The following ARMCX5 variants were observed in gnomAD, a reference collection of about 807,000 sequenced individuals.
The protein encoded by ARMCX5 is armadillo repeat containing X-linked 5, also known as armadillo repeat-containing X-linked protein 5.
Under a neutral mutation model 7.5 loss-of-function variants are expected in ARMCX5, and 1 was observed. The ratio of observed to expected loss-of-function variants is 0.13; its 90% CI spans 0.05 to 0.63. The LOEUF is 0.63. Among genes scored for constraint, ARMCX5 ranks in the 30% least tolerant of loss-of-function variants. The probability of loss-of-function intolerance (pLI) is 0.86; values close to 1 mark genes in which losing one functional copy is unlikely to be tolerated. For missense variants in ARMCX5, 346 were observed against 402.2 expected, an observed-to-expected ratio of 0.86 and a Z score of 1.19; for synonymous variants, 149 against 145.7, an observed-to-expected ratio of 1.02 and a Z score of -0.16.
chrX:102,600,680 A>G (rs1260020426), intron 1 of ARMCX5: 1 of 111,800 alleles, frequency 8.9e-6, no homozygotes, highest in Non-Finnish European at 1.9e-5. Flanking sequence ...TAACACCACT[A>G]CTACTACCTT....
At position 102,599,542 on chromosome X, in the gene ARMCX5, A is replaced by T. The variant is rs749647876; in HGVS notation, c.-727A>T. 1.8e-5 allele frequency: 2 copies of T among 110,130 alleles called. No individual in the cohort carries two copies. Among genetic ancestry groups the T allele is most frequent in the Admixed American group, 9.8e-5 (1 of 10,231 alleles). The allele number at this position is 110,130 out of a possible 1,213,427, so 9.1% of individuals were successfully genotyped here. On this transcript the variant is annotated 5_prime_UTR_variant, in exon 1 of 4. Coordinates refer to ENST00000473968, the MANE Select transcript of ARMCX5 (RefSeq NM_001168478.2). The stretch of plus-strand genomic sequence containing the variant: ...CCCACTGCCGTTGTGGGTAACGCGG[A>T]CGTGGAAGAACCTCGTCTGCGGAGG...
chrX:102,601,217 C>T lies in ARMCX5; in HGVS notation c.-309+185C>T, dbSNP rs946709951. The T allele has an allele frequency of 8.1e-5, 9 of 111,592 alleles. 1 individual carries two copies. The highest frequency in any genetic ancestry group is 5.7e-4 in the Admixed American group (6 of 10,467). 9.2% of individuals were successfully genotyped at this position (111,592 alleles called of 1,213,427 possible). The stretch of plus-strand genomic sequence containing the variant: ...GCCTTTCCCACTCTCCACTGCTTGT[C>T]CTGCTCTCACGCTTGAACCTAGTCT... On this transcript the variant is annotated intron_variant, in intron 2 of 3. Coordinates refer to ENST00000473968, the MANE Select transcript of ARMCX5 (RefSeq NM_001168478.2).
chrX:102,603,874 C>A lies in ARMCX5; in HGVS notation c.*56C>A. The A allele has an allele frequency of 1.4e-6, 1 of 729,128 alleles. No individual in the cohort carries two copies. Among genetic ancestry groups the A allele is most frequent in the Non-Finnish European group, 2.0e-6 (1 of 497,226 alleles). The allele number at this position is 729,128 out of a possible 1,213,427, so 60.1% of individuals were successfully genotyped here. A position where few individuals can be genotyped will look rare whatever the true frequency, so the allele number is the denominator to read the frequency against. On this transcript the variant is annotated 3_prime_UTR_variant, in exon 4 of 4. Coordinates refer to ENST00000473968, the MANE Select transcript of ARMCX5 (RefSeq NM_001168478.2). The stretch of plus-strand genomic sequence containing the variant: ...AGTTTTTTGGAGTTGCAATATGAAA[C>A]CAATGCATATTGTAATTATAAATTC...
upstream of ARMCX5, chrX:102,599,290 C>A (rs2080997306): frequency 9.0e-6 from 1 of 111,155 alleles, no homozygotes; most frequent in African/African-American, 3.3e-5. Flanking sequence ...GGGGAGCTCC[C>A]GCAAAAGGGG....
In ARMCX5 at chrX:102,602,100, C is replaced by T. The variant is rs371888083; in HGVS notation, c.-42C>T. On this transcript the variant is annotated 5_prime_UTR_variant, in exon 4 of 4. In the 5' UTR this introduces an upstream ATG that the reference lacks. Coordinates refer to ENST00000473968, the MANE Select transcript of ARMCX5 (RefSeq NM_001168478.2). ...GACAAAACTTCAGTCAAGGCTGAGA[C>T]GGGTGGGGGTATATAACTTGTCCTT... The T allele has an allele frequency of 2.7e-6, 3 of 1,094,002 alleles. No individual in the cohort carries two copies. The highest frequency in any genetic ancestry group is 3.0e-5 in the East Asian group (1 of 33,139). The allele number at this position is 1,094,002 out of a possible 1,213,427, so 90.2% of individuals were successfully genotyped here. A position where few individuals can be genotyped will look rare whatever the true frequency, so the allele number is the denominator to read the frequency against.
chrX:102,602,294 G>A lies in ARMCX5; in HGVS notation c.153G>A (p.Gln51=), dbSNP rs1374509967. 3 of 1,211,726 alleles carry A rather than the reference G, an allele frequency of 2.5e-6. No homozygotes were observed. Among genetic ancestry groups the A allele is most frequent in the Non-Finnish European group, 3.4e-6 (3 of 895,484 alleles). ...AACTGAAAACAGAATCAGTGACCCA[G>A]GCCAAAGCTGGTGATGGAGCAATGA... The part of the protein sequence containing the change: ...EAELKTESVT[Q]AKAGDGAMTR... Residue 51 remains glutamine, a synonymous_variant, in exon 4 of 4, where the codon CAG becomes CAA. Transcript: ENST00000473968.
chrX:102,600,671 A>G (rs1321467583), intron 1 of ARMCX5: 1 of 111,711 alleles, frequency 9.0e-6, no homozygotes, highest in Admixed American at 9.5e-5. Flanking sequence ...CGTCCCTACT[A>G]ACACCACTAC....
At position 102,603,098 on chromosome X, in the gene ARMCX5, T is replaced by G; in HGVS notation, c.957T>G (p.Leu319=). ...AGTTTGATAAACTTGTTGCCCTCCT[T>G]AAGTTAACTAAGGATCCTTTCATTC... ...PKEFDKLVAL[L]KLTKDPFIHE... Residue 319 remains leucine (L), a synonymous_variant, in exon 4 of 4, where the codon CTT becomes CTG. Transcript: ENST00000473968. 1 of 1,210,136 alleles carries G rather than the reference T, an allele frequency of 8.3e-7. No homozygotes were observed. The highest frequency in any genetic ancestry group is 1.1e-6 in the Non-Finnish European group (1 of 893,951).
Position 102,603,507 on chromosome X carries a change from T to C in ARMCX5, c.1366T>C (p.Phe456Leu). ...AACCAAGTTTTATGTTTTAAAAGTG[T>C]TTTCGTGTTTGTCTAAAAATCACGC... ...VKTKFYVLKV[F>L]SCLSKNHANT... Residue 456 changes from phenylalanine (F) to leucine (L), a missense_variant, in exon 4 of 4, where the codon TTT (phenylalanine) becomes CTT (leucine). By Grantham distance (22) the Phe-to-Leu change is conservative. Around this residue, in one of 3 missense-constraint regions of ARMCX5, gnomAD observed 139 missense variants for 141.1 expected, o/e 0.99. Transcript: ENST00000473968. The C allele has an allele frequency of 8.3e-7, 1 of 1,210,168 alleles. No homozygotes were observed. The highest frequency in any genetic ancestry group is 1.1e-6 in the Non-Finnish European group (1 of 894,180).
In ARMCX5 at chrX:102,602,099, A is replaced by G; in HGVS notation, c.-43A>G. On this transcript the variant is annotated 5_prime_UTR_variant, in exon 4 of 4. Transcript: ENST00000473968. ...GGACAAAACTTCAGTCAAGGCTGAGACGGGTGGGGGTATATAACTTGTCCT... is the reference window on the plus strand; with the variant it reads ...GGACAAAACTTCAGTCAAGGCTGAGGCGGGTGGGGGTATATAACTTGTCCT... The G allele has an allele frequency of 9.1e-7, 1 of 1,093,485 alleles. No homozygotes were observed. Among genetic ancestry groups the G allele is most frequent in the South Asian group, 2.1e-5 (1 of 47,585 alleles). The allele number at this position is 1,093,485 out of a possible 1,213,427, so 90.1% of individuals were successfully genotyped here.
Position 102,603,693 on chromosome X carries a change from A to T in ARMCX5, c.1552A>T (p.Thr518Ser), listed in dbSNP as rs773039042. Residue 518 changes from threonine to serine, a missense_variant, in exon 4 of 4, where the codon ACT becomes TCT. Thr to Ser is a moderately conservative substitution (Grantham distance 58, BLOSUM62 1). This residue lies in a region of ARMCX5 where 139 missense variants were observed against 141.1 expected (regional missense o/e 0.99). Coordinates refer to ENST00000473968, the MANE Select transcript of ARMCX5 (RefSeq NM_001168478.2). ...AAAGCTATTTACCAAGGAAAAGTTC[A>T]CTAAATCTGAGCTTATTTCAATATT... ...KAKLFTKEKF[T>S]KSELISIFQE... The T allele has an allele frequency of 8.3e-7, 1 of 1,202,923 alleles. No individual in the cohort carries two copies.
chrX:102,602,873 A>G lies in ARMCX5; in HGVS notation c.732A>G (p.Pro244=). 8 of 1,211,521 alleles carry G rather than the reference A, an allele frequency of 6.6e-6. No homozygotes were observed. Among genetic ancestry groups the G allele is most frequent in the Non-Finnish European group, 8.9e-6 (8 of 895,140 alleles). ...PVEGGEQSLP[P]EGNWTLVETL... is the part of the protein sequence containing the mutation. ...AAGGAGGGGAGCAATCCTTGCCTCC[A>G]GAAGGAAACTGGACCCTGGTTGAGA... The change falls in exon 4 of 4, where the codon CCA becomes CCG. Residue 244 remains proline (P), a synonymous_variant. Transcript: ENST00000473968.
At position 102,603,812 on chromosome X, in the gene ARMCX5, ACT is replaced by A; in HGVS notation, c.1674_1675del (p.Ter559AsnfsTer7). The A allele has an allele frequency of 9.0e-7, 1 of 1,113,695 alleles. No individual in the cohort carries two copies. Among genetic ancestry groups the A allele is most frequent in the Non-Finnish European group, 1.2e-6 (1 of 830,387 alleles). The allele number at this position is 1,113,695 out of a possible 1,213,427, so 91.8% of individuals were successfully genotyped here. ...ATAAAGTCATACGATTAATACTAAA[ACT>A]CTGAATACCCCTCTGTTCTCATAAA... The part of the protein sequence containing the change: ...RDKVIRLILK[L>X] On this transcript the variant is annotated frameshift_variant, in exon 4 of 4. Coordinates refer to ENST00000473968, the MANE Select transcript of ARMCX5 (RefSeq NM_001168478.2). LOFTEE classifies it high-confidence loss of function.
rs1275903870 is a variant in ARMCX5 at position 102,602,517 on chromosome X, G to A, written c.376G>A (p.Val126Ile). 1.7e-6 allele frequency: 2 copies of A among 1,211,540 alleles called. No individual in the cohort carries two copies. Among genetic ancestry groups the A allele is most frequent in the South Asian group, 1.8e-5 (1 of 56,963 alleles). ...TACTGTAACCAAGTCTGAAGTCAAG[G>A]TTGTTGCTGTCATTGAGGCAAATAT... ...VSTVTKSEVKVVAVIEANIRS... is the reference protein window; with the variant it reads ...VSTVTKSEVKIVAVIEANIRS... The change falls in exon 4 of 4, where the codon GTT (valine) becomes ATT (isoleucine). Residue 126 changes from valine (V) to isoleucine (I), a missense_variant. By Grantham distance (29) the Val-to-Ile change is conservative. Around this residue, in one of 3 missense-constraint regions of ARMCX5, gnomAD observed 204 missense variants for 244.3 expected, o/e 0.83. Coordinates refer to ENST00000473968, the MANE Select transcript of ARMCX5 (RefSeq NM_001168478.2).
Position 102,603,203 on chromosome X carries a change from T to C in ARMCX5, c.1062T>C (p.Thr354=), listed in dbSNP as rs2147607090. The change falls in exon 4 of 4, where the codon ACT becomes ACC. Residue 354 remains threonine, a synonymous_variant. Transcript: ENST00000473968. ...ATATAATTCATGATGTAGGTATTAC[T>C]GTTATGATTGAAAACTTGGTCAATA... ...TQDIIHDVGI[T]VMIENLVNNP... is the part of the protein sequence containing the mutation. 1 of 1,208,967 alleles carries C rather than the reference T, an allele frequency of 8.3e-7. No individual in the cohort carries two copies. Among genetic ancestry groups the C allele is most frequent in the East Asian group, 3.0e-5 (1 of 33,830 alleles).
At position 102,601,641 on chromosome X, in the gene ARMCX5, C is replaced by T. The variant is rs41310699; in HGVS notation, c.-263+132C>T. The T allele has an allele frequency of 2.2e-3, 252 of 117,046 alleles. 2 individuals are homozygous for T. The highest frequency in any genetic ancestry group is 9.0e-3 in the Middle Eastern group (2 of 221). 9.6% of individuals were successfully genotyped at this position (117,046 alleles called of 1,213,427 possible). A position where few individuals can be genotyped will look rare whatever the true frequency, so the allele number is the denominator to read the frequency against. ...GGGGTCAAGAACCACTAAAGGGATT[C>T]CTCAGCTTCTCATCCAGTTTTCCTA... On this transcript the variant is annotated intron_variant, in intron 3 of 3. Transcript: ENST00000473968.
chrX:102,602,042 G>T lies in ARMCX5; in HGVS notation c.-100G>T. The T allele has an allele frequency of 1.5e-6, 1 of 669,471 alleles. No homozygotes were observed. Among genetic ancestry groups the T allele is most frequent in the South Asian group, 2.7e-5 (1 of 36,718 alleles). 55.2% of individuals were successfully genotyped at this position (669,471 alleles called of 1,213,427 possible). On this transcript the variant is annotated 5_prime_UTR_variant, in exon 4 of 4. It removes the in-frame stop codon of an upstream open reading frame in the 5' UTR. Coordinates refer to ENST00000473968, the MANE Select transcript of ARMCX5 (RefSeq NM_001168478.2). ...CCTGTAGTTGGAAAGGGGACAGAGT[G>T]ACTACTGGACTTTGTGTGAAAACAC...
Position 102,603,556 on chromosome X carries a change from C to T in ARMCX5, c.1415C>T (p.Ala472Val). 4.2e-6 allele frequency: 5 copies of T among 1,203,036 alleles called. No individual in the cohort carries two copies. The highest frequency in any genetic ancestry group is 5.6e-6 in the Non-Finnish European group (5 of 887,880). Residue 472 changes from alanine (A) to valine (V), a missense_variant, in exon 4 of 4, where the codon GCC (alanine) becomes GTC (valine). Coordinates refer to ENST00000473968, the MANE Select transcript of ARMCX5 (RefSeq NM_001168478.2). Reference protein sequence around the residue: ...NHANTRELISAKVLSSLVAPF... With the variant: ...NHANTRELISVKVLSSLVAPF... ...GCCAATACAAGAGAATTGATCAGTG[C>T]CAAAGTACTGTCATCATTGGTTGCA...
In ARMCX5 at chrX:102,602,440, G is replaced by A. The variant is rs112989637; in HGVS notation, c.299G>A (p.Arg100His). Residue 100 changes from arginine (R) to histidine (H), a missense_variant, in exon 4 of 4, where the codon CGC (arginine) becomes CAC (histidine). By Grantham distance (29) the Arg-to-His change is conservative. This residue lies in a region of ARMCX5 where 204 missense variants were observed against 244.3 expected (regional missense o/e 0.83). Transcript: ENST00000473968. ...ACTAAGACAAAACCCCTGGCAGAAC[G>A]CAGTATAGTGCCACAAACCAAGTCA... ...VETKTKPLAERSIVPQTKSKA... is the reference protein window; with the variant it reads ...VETKTKPLAEHSIVPQTKSKA... 142 of 1,210,141 alleles carry A rather than the reference G, an allele frequency of 1.2e-4. 4 individuals are homozygous for A. Among genetic ancestry groups the A allele is most frequent in the African/African-American group, 1.1e-3 (62 of 57,280 alleles).
Sources: gnomAD v4.1 joint callset for allele counts on GRCh38, gnomAD v4.1.1 for gene constraint, gnomAD v4.1.1 regional missense constraint, MANE v1.5 for transcripts, NCBI Gene and HGNC (gene_info 2026-07-23, HGNC 2026-07-21) for gene names.